Variants in SPNS3 observed in about 807,000 individuals in gnomAD.
SPNS3 encodes SPNS lysolipid transporter 3, sphingosine-1-phosphate (putative).
A neutral mutation model predicts 54.4 loss-of-function variants in SPNS3; 51 were observed. The ratio of observed to expected loss-of-function variants is 0.94; its 90% CI spans 0.75 to 1.18. The LOEUF (loss-of-function observed/expected upper bound fraction) is 1.18. Ranked by LOEUF, SPNS3 falls within the 50% of genes most tolerant of loss-of-function variation. SPNS3 has a pLI of 0.00. For missense variants in SPNS3, 669 were observed against 677.4 expected, an observed-to-expected ratio of 0.99 and a Z score of 0.14; for synonymous variants, 309 against 294.7, an observed-to-expected ratio of 1.05 and a Z score of -0.50.
chr17:4,447,187 T>C (rs1023753354), intron 5 of SPNS3, among the ~76,000 whole-genome samples: 1 of 152,196 alleles, frequency 6.6e-6, no homozygotes, highest in Admixed American at 6.5e-5. Context: ...TTACCAGCTG[T>C]GTGATCTCAA....
intron 8 of SPNS3, among the ~76,000 whole-genome samples, chr17:4,477,011 G>C (rs1041381950): frequency 6.6e-6 from 1 of 152,146 alleles, no homozygotes; most frequent in Admixed American, 6.5e-5. Context: ...GGCTCTCCCT[G>C]GCGCCACCTC....
At chr17:4,469,672 G>A (rs1398997240) in intron 8 of SPNS3, among the ~76,000 whole-genome samples, 1 of 151,070 alleles carries the variant, frequency 6.6e-6, no homozygotes, top group Non-Finnish European at 1.5e-5. Context: ...TGGAGTTCAG[G>A]AGAGAGGTCC....
chr17:4,470,437 T>A (rs1259274160), intron 8 of SPNS3, among the ~76,000 whole-genome samples: 2 of 151,932 alleles, frequency 1.3e-5, no homozygotes, highest in African/African-American at 2.4e-5. Flanking sequence ...TAAAATAATA[T>A]TAGTAATAAT....
chr17:4,450,096 T>C (rs1168135714), intron 7 of SPNS3, among the ~76,000 whole-genome samples: 1 of 151,882 alleles, frequency 6.6e-6, no homozygotes, highest in Non-Finnish European at 1.5e-5. Flanking sequence ...TCCAGCCTCC[T>C]TGCAGTCCCC....
At position 4,449,306 on chromosome 17, in the gene SPNS3, C is replaced by T. The variant is rs1161215226; in HGVS notation, c.842C>T (p.Ala281Val). ...AFVTGALGFWAPKFLLEARVV... is the reference protein window; with the variant it reads ...AFVTGALGFWVPKFLLEARVV... Reference sequence around the variant, plus strand: ...GTGACTGGAGCCCTGGGGTTCTGGGCCCCCAAGTTTCTGCTCGAGGCACGC... The same window carrying T: ...GTGACTGGAGCCCTGGGGTTCTGGGTCCCCAAGTTTCTGCTCGAGGCACGC... Residue 281 changes from alanine (A) to valine (V), a missense_variant, in exon 7 of 12, where the codon GCC (alanine) becomes GTC (valine). Transcript: ENST00000355530. 23 of 1,612,286 alleles carry T rather than the reference C, an allele frequency of 1.4e-5. No individual in the cohort carries two copies. The highest frequency in any genetic ancestry group is 6.7e-5 in the East Asian group (3 of 44,852).
intron 2 of SPNS3, among the ~76,000 whole-genome samples, chr17:4,440,242 C>T (rs942315244): frequency 3.3e-5 from 5 of 152,172 alleles, no homozygotes; most frequent in South Asian, 2.1e-4. Context: ...AACATCAGAG[C>T]GGTTGGGGTC....
At chr17:4,434,248 G>A (rs1490945824) in intron 1 of SPNS3, 82 bp downstream of exon 1, 6 of 1,346,490 alleles carry the variant, frequency 4.5e-6, no homozygotes, top group South Asian at 4.1e-5. Context: ...TGGCCTTCCA[G>A]CCATCACCCA....
intron 8 of SPNS3, among the ~76,000 whole-genome samples, chr17:4,474,412 G>A (rs942206528): frequency 1.3e-5 from 2 of 152,264 alleles, no homozygotes; most frequent in Non-Finnish European, 2.9e-5. Flanking sequence ...GAGGAGGTTT[G>A]GGTCTCAGCT....
At chr17:4,446,025 TG>T in intron 3 of SPNS3, 22 bp from the exon 4 acceptor site, 1 of 1,583,962 alleles carries the variant, frequency 6.3e-7, no homozygotes. Context: ...GAACTCACCG[TG>T]GTCTTGTGCC....
chr17:4,471,138 G>A (rs1170720870), intron 8 of SPNS3, among the ~76,000 whole-genome samples: 1 of 152,174 alleles, frequency 6.6e-6, no homozygotes, highest in East Asian at 1.9e-4. Context: ...TGGTCAGGCT[G>A]GTTGTGAACC....
chr17:4,449,185 C>G, intron 6 of SPNS3, 50 bp from the exon 7 acceptor site: 1 of 1,589,154 alleles, frequency 6.3e-7, no homozygotes, highest in Non-Finnish European at 8.5e-7. Flanking sequence ...GGACAGGCCC[C>G]TTCAGCCCCA....
intron 1 of SPNS3, among the ~76,000 whole-genome samples, chr17:4,434,452 G>A (rs372174602): frequency 6.6e-6 from 1 of 152,128 alleles, no homozygotes; most frequent in Non-Finnish European, 1.5e-5. Context: ...TTGAGCCCAG[G>A]AGTTTGAGAC....
At chr17:4,460,633 G>A (rs1971473994) in intron 8 of SPNS3, among the ~76,000 whole-genome samples, 1 of 150,144 alleles carries the variant, frequency 6.7e-6, no homozygotes. Context: ...TAGTAGAGAC[G>A]GGGTTTCACC....
At chr17:4,487,433 C>T (rs1972352727) in intron 11 of SPNS3, among the ~76,000 whole-genome samples, 4 of 152,126 alleles carry the variant, frequency 2.6e-5, no homozygotes, top group Non-Finnish European at 5.9e-5. Flanking sequence ...GGATACGGGG[C>T]CAGAGCAGGC....
chr17:4,475,364 C>G (rs1971962129), intron 8 of SPNS3, among the ~76,000 whole-genome samples: 1 of 152,146 alleles, frequency 6.6e-6, no homozygotes, highest in East Asian at 1.9e-4. Flanking sequence ...GCCTGGGAAA[C>G]TGGGGAGGAG....
At position 4,478,655 on chromosome 17, in the gene SPNS3, G is replaced by A. The variant is rs1440959052; in HGVS notation, c.1179+18G>A. On this transcript the variant is annotated intron_variant, in intron 9 of 11. Coordinates refer to ENST00000355530, the MANE Select transcript of SPNS3 (RefSeq NM_182538.5). Reference sequence around the variant, plus strand: ...TCCTGCTGGTAGGTGTGGGAGTCGGGGTGGTGGGCTGAGCAGGGGGAGCTG... The same window carrying A: ...TCCTGCTGGTAGGTGTGGGAGTCGGAGTGGTGGGCTGAGCAGGGGGAGCTG... 3.8e-6 allele frequency: 6 copies of A among 1,578,476 alleles called. No individual in the cohort carries two copies. Among genetic ancestry groups the A allele is most frequent in the Non-Finnish European group, 5.2e-6 (6 of 1,161,712 alleles).
Position 4,449,260 on chromosome 17 carries a change from G to T in SPNS3, c.796G>T (p.Gly266Ter). 1.2e-6 allele frequency: 2 copies of T among 1,612,124 alleles called. No homozygotes were observed. Among genetic ancestry groups the T allele is most frequent in the Non-Finnish European group, 1.7e-6 (2 of 1,179,870 alleles). Residue 266 changes from glycine (G) to a stop codon, truncating the protein, a stop_gained, in exon 7 of 12, where the codon GGA (glycine) becomes TGA (stop). Coordinates refer to ENST00000355530, the MANE Select transcript of SPNS3 (RefSeq NM_182538.5). LOFTEE classifies it high-confidence loss of function. ...KNWSFVWSTL[G>*]VTAMAFVTGA... ...CTGGAGTTTCGTGTGGTCGACCCTC[G>T]GAGTGACCGCCATGGCCTTTGTGAC...
At chr17:4,481,197 C>T (rs1202064861) in intron 9 of SPNS3, among the ~76,000 whole-genome samples, 4 of 151,542 alleles carry the variant, frequency 2.6e-5, no homozygotes, top group African/African-American at 9.7e-5. Context: ...GAACAGCCTC[C>T]AGGGAGCAGA....
intron 3 of SPNS3, among the ~76,000 whole-genome samples, chr17:4,445,737 C>T (rs114948771): frequency 0.02 from 3,093 of 152,160 alleles, 112 homozygotes; most frequent in African/African-American, 0.07. Context: ...GCCGCACCAG[C>T]TTCATTTCTG....
Sources: gnomAD v4.1 joint callset for allele counts (sites outside exome capture counted in the v4.1 genomes callset) on GRCh38, gnomAD v4.1.1 for gene constraint, MANE v1.5 for transcripts, NCBI Gene and HGNC (gene_info 2026-07-23, HGNC 2026-07-21) for gene names.